SYNJ2: variants seen among roughly 807,000 people sequenced by gnomAD.
SYNJ2 encodes the protein polyphosphatidylinositol phosphatase SYNJ2.
A neutral mutation model predicts 141.3 loss-of-function variants in SYNJ2; 116 were observed. The ratio of observed to expected loss-of-function variants is 0.82; its 90% CI spans 0.71 to 0.96. SYNJ2 has a LOEUF of 0.96. SYNJ2 is among the 40% of genes least tolerant of loss of function. The pLI is 0.00. For missense variants in SYNJ2, 1,873 were observed against 1,934.8 expected, an observed-to-expected ratio of 0.97 and a Z score of 0.60; for synonymous variants, 745 against 777.7, an observed-to-expected ratio of 0.96 and a Z score of 0.70.
At chr6:158,067,308 C>T (rs1398701922) in intron 12 of SYNJ2, 11 of 542,626 alleles carry the variant, frequency 2.0e-5, no homozygotes, top group South Asian at 8.1e-5. Context: ...CATGCGCCAC[C>T]GCGCCTGGCC....
chr6:158,016,951 C>A (rs1381284020), intron 1 of SYNJ2: 2 of 1,180,880 alleles, frequency 1.7e-6, no homozygotes, highest in East Asian at 8.4e-5. Flanking sequence ...ACCCCAGGAC[C>A]CCAGCTCCTC....
chr6:158,073,241 A>G (rs1188994396), intron 15 of SYNJ2, among the ~76,000 whole-genome samples: 1 of 152,098 alleles, frequency 6.6e-6, no homozygotes, highest in Non-Finnish European at 1.5e-5. Flanking sequence ...TCTGCCACCC[A>G]GGCTGGAGTG....
At chr6:158,047,796 A>C (rs1242399295) in intron 5 of SYNJ2, among the ~76,000 whole-genome samples, 3 of 149,986 alleles carry the variant, frequency 2.0e-5, no homozygotes, top group East Asian at 1.9e-4. Context: ...AAAAAAAAAA[A>C]AAAAAAAAAC....
chr6:158,047,454 T>C (rs755234293), intron 5 of SYNJ2, among the ~76,000 whole-genome samples: 3 of 152,080 alleles, frequency 2.0e-5, no homozygotes, highest in South Asian at 2.1e-4. Flanking sequence ...ATCTACCTTA[T>C]AGGGTTCTAG....
In SYNJ2 at chr6:158,027,225, G is replaced by A. The variant is rs950044327; in HGVS notation, c.215-1531G>A. On this transcript the variant is annotated intron_variant, in intron 2 of 26. Coordinates refer to ENST00000355585, the MANE Select transcript of SYNJ2 (RefSeq NM_003898.4). The surrounding 1 kb of genome is among the most constrained non-coding windows in gnomAD (Gnocchi z 4.6). ...GTTGTTTTGGGGGTCTCTTCCTGGA[G>A]TGTGGAGAGATCAGAACCATCTCCA... 2.0e-6 allele frequency: 2 copies of A among 982,458 alleles called. No homozygotes were observed. The highest frequency in any genetic ancestry group is 2.4e-6 in the Non-Finnish European group (2 of 827,170). 60.9% of individuals were successfully genotyped at this position (982,458 alleles called of 1,614,324 possible).
intron 1 of SYNJ2, among the ~76,000 whole-genome samples, chr6:157,990,070 G>A (rs1010441388): frequency 2.6e-5 from 4 of 152,210 alleles, no homozygotes; most frequent in Non-Finnish European, 4.4e-5. Context: ...CCCTTGGCCC[G>A]CGAGGCTGGC....
chr6:158,029,278 GT>G, intron 3 of SYNJ2: 1 of 401,176 alleles, frequency 2.5e-6, no homozygotes, highest in East Asian at 4.3e-5. Context: ...GCCAGGCATG[GT>G]GCCTCATGCC....
chr6:157,986,485 C>T (rs1211536010), intron 1 of SYNJ2, among the ~76,000 whole-genome samples: 1 of 152,158 alleles, frequency 6.6e-6, no homozygotes, highest in Non-Finnish European at 1.5e-5. Context: ...AGGCATGCAC[C>T]ACCACGCCCG....
chr6:158,000,539 C>A (rs1393369288), intron 1 of SYNJ2, among the ~76,000 whole-genome samples: 2 of 152,126 alleles, frequency 1.3e-5, no homozygotes, highest in African/African-American at 4.8e-5. Context: ...CATTTTCTCA[C>A]CAAACAACAA....
chr6:158,012,371 G>T (rs536879622), intron 1 of SYNJ2, among the ~76,000 whole-genome samples: 5 of 152,308 alleles, frequency 3.3e-5, no homozygotes, highest in Admixed American at 6.5e-5. Flanking sequence ...GCACTCACAG[G>T]GTCCTTAAAA....
intron 1 of SYNJ2, among the ~76,000 whole-genome samples, chr6:157,988,090 A>G (rs962727524): frequency 2.6e-5 from 4 of 152,258 alleles, no homozygotes; most frequent in African/African-American, 9.6e-5. Context: ...GGAGTGTGCT[A>G]AGCACATAGT....
At chr6:158,033,365 C>T (rs1262162047) in intron 3 of SYNJ2, 90 bp from the exon 4 acceptor site, 2 of 1,415,914 alleles carry the variant, frequency 1.4e-6, no homozygotes, top group East Asian at 2.4e-5. Flanking sequence ...CACCGTGCGC[C>T]CCCCAGTTCC....
At chr6:158,016,225 T>G (rs964417984) in intron 1 of SYNJ2, among the ~76,000 whole-genome samples, 8 of 152,228 alleles carry the variant, frequency 5.3e-5, no homozygotes, top group Non-Finnish European at 8.8e-5. Context: ...GCCATCCCCC[T>G]GCCTCAGCCT....
intron 15 of SYNJ2, among the ~76,000 whole-genome samples, chr6:158,073,429 A>T (rs1474337729): frequency 6.6e-6 from 1 of 152,032 alleles, no homozygotes; most frequent in Non-Finnish European, 1.5e-5. Flanking sequence ...AACTCCTGAC[A>T]TCAAGTGATC....
Position 158,028,824 on chromosome 6 carries a change from G to GA in SYNJ2, c.286dup (p.Ile96AsnfsTer8), listed in dbSNP as rs776631164. On this transcript the variant is annotated frameshift_variant, in exon 3 of 27. Coordinates refer to ENST00000355585, the MANE Select transcript of SYNJ2 (RefSeq NM_003898.4). LOFTEE classifies it high-confidence loss of function. Reference sequence around the variant, plus strand: ...ATCTGTGGGCAGAATTCCAGATGCTGAAATCTACAAAATCACTGCCACTGA... The same window carrying GA: ...ATCTGTGGGCAGAATTCCAGATGCTGAAAATCTACAAAATCACTGCCACTGA... The GA allele has an allele frequency of 6.2e-7, 1 of 1,614,190 alleles. No homozygotes were observed. Among genetic ancestry groups the GA allele is most frequent in the South Asian group, 1.1e-5 (1 of 91,076 alleles).
intron 20 of SYNJ2, among the ~76,000 whole-genome samples, chr6:158,082,358 G>A (rs1011063485): frequency 1.3e-5 from 2 of 151,374 alleles, no homozygotes; most frequent in African/African-American, 2.4e-5. Context: ...ATAGTGGCAG[G>A]TGCCTGTAAT....
chr6:157,997,760 G>A (rs1180838266), intron 1 of SYNJ2, among the ~76,000 whole-genome samples: 1 of 99,794 alleles, frequency 1.0e-5, no homozygotes, highest in East Asian at 3.2e-4. Flanking sequence ...ACGAAGCATT[G>A]GCAAAAAAAA....
chr6:158,069,243 T>C (rs1413296980), intron 13 of SYNJ2, among the ~76,000 whole-genome samples: 1 of 152,184 alleles, frequency 6.6e-6, no homozygotes, highest in East Asian at 1.9e-4. Flanking sequence ...CTGGCTTTAT[T>C]TTAAGGAACT....
At chr6:158,086,805 G>T in intron 22 of SYNJ2, 50 bp from the exon 23 acceptor site, 1 of 1,585,484 alleles carries the variant, frequency 6.3e-7, no homozygotes. Context: ...TGTCTGACAC[G>T]CTCACGTGTG....
Sources: gnomAD v4.1 joint callset for allele counts (sites outside exome capture counted in the v4.1 genomes callset) on GRCh38, gnomAD v4.1.1 for gene constraint, Gnocchi (gnomAD v3.1) non-coding constraint, MANE v1.5 for transcripts, NCBI Gene and HGNC (gene_info 2026-07-23, HGNC 2026-07-21) for gene names.